The following AVL9 variants were observed in gnomAD, a reference collection of about 807,000 sequenced individuals.
AVL9 encodes the protein late secretory pathway protein AVL9 homolog.
In AVL9, 49 loss-of-function variants were observed where a neutral mutation model predicts 79.2. The observed-to-expected ratio is 0.62, with a 90% CI of 0.49 to 0.79. AVL9 has a LOEUF of 0.79. AVL9 is among the 30% of genes least tolerant of loss of function. The pLI, the probability that AVL9 is intolerant of heterozygous loss-of-function variation, is 0.00. For missense variants in AVL9, 682 were observed against 776.8 expected (o/e 0.88, Z 1.45); for synonymous variants, 299 against 280.6 (o/e 1.07, Z -0.65).
chr7:32,503,369 T>TACACACACACACAC lies in AVL9; in HGVS notation c.93+7568_93+7569insCACACACACACACA, dbSNP rs1237567459. 2.4e-3 allele frequency among the ~76,000 whole-genome samples: 241 copies of TACACACACACACAC among 101,306 alleles called. 2 individuals are homozygous for TACACACACACACAC. Among genetic ancestry groups the TACACACACACACAC allele is most frequent in the Admixed American group, 4.4e-3 (35 of 7,960 alleles). The allele number at this position is 101,306 out of a possible 152,430, so 66.5% of individuals were successfully genotyped here. ...AGATATAGATATAGAGAGATATATA[T>TACACACACACACAC]ATATACACACACACACACACACACA... On this transcript the variant is annotated intron_variant, in intron 1 of 15. Transcript: ENST00000318709.
intron 2 of AVL9, 40 bp from the exon 3 acceptor site, chr7:32,544,654 A>G: frequency 7.5e-7 from 1 of 1,331,386 alleles, no homozygotes; most frequent in African/African-American, 1.4e-5. Context: ...TAATAAGGGT[A>G]ATTCACCTCA....
rs367803456 is a variant in AVL9 at position 32,503,361 on chromosome 7, GATATATAT to G, written c.93+7565_93+7572del. Among the ~76,000 whole-genome samples, 471 of 121,464 alleles carry G rather than the reference GATATATAT, an allele frequency of 3.9e-3. 3 individuals are homozygous for G. The highest frequency in any genetic ancestry group is 0.013 in the African/African-American group (407 of 32,164). The allele number at this position is 121,464 out of a possible 152,430, so 79.7% of individuals were successfully genotyped here. ...ATATATATAGATATAGATATAGAGA[GATATATAT>G]ATATACACACACACACACACACACA... On this transcript the variant is annotated intron_variant, in intron 1 of 15. Transcript: ENST00000318709.
chr7:32,575,431 G>A (rs1026649752), intron 12 of AVL9, among the ~76,000 whole-genome samples: 1 of 151,996 alleles, frequency 6.6e-6, no homozygotes, highest in Admixed American at 6.6e-5. Flanking sequence ...GAAATGCTAG[G>A]AAATTCAAGA....
chr7:32,500,841 C>T (rs923706593), intron 1 of AVL9, among the ~76,000 whole-genome samples: 5 of 152,128 alleles, frequency 3.3e-5, no homozygotes, highest in African/African-American at 7.2e-5. Context: ...CCTGTTTTCC[C>T]AGCACCAGTT....
intron 1 of AVL9, among the ~76,000 whole-genome samples, chr7:32,507,532 G>A (rs1037581101): frequency 1.3e-5 from 2 of 152,038 alleles, no homozygotes; most frequent in African/African-American, 4.8e-5. Context: ...GGCTTCTTTT[G>A]TTCAGCATTA....
intron 1 of AVL9, chr7:32,536,165 A>T (rs759555198): frequency 2.7e-5 from 4 of 149,406 alleles, no homozygotes; most frequent in Admixed American, 6.8e-5. Context: ...TTTTACATAT[A>T]CTTAGGGCTG....
chr7:32,583,882 C>T lies in AVL9; in HGVS notation c.1922C>T (p.Thr641Ile). Residue 641 changes from threonine (T) to isoleucine (I), a missense_variant, in exon 16 of 16, where the codon ACT becomes ATT. Thr to Ile is a moderately conservative substitution (Grantham distance 89, BLOSUM62 -1). Transcript: ENST00000318709. ...ACCACTTCCACCTCCCAAAGTCTCA[C>T]TGAGCCACCAGATGAGAAGCCTTGA... The part of the protein sequence containing the change: ...TFTTSTSQSL[T>I]EPPDEKP 6.2e-7 allele frequency: 1 copy of T among 1,613,988 alleles called. No homozygotes were observed. Among genetic ancestry groups the T allele is most frequent in the Non-Finnish European group, 8.5e-7 (1 of 1,179,850 alleles).
At chr7:32,517,495 G>A (rs968506754) in intron 1 of AVL9, among the ~76,000 whole-genome samples, 3 of 151,820 alleles carry the variant, frequency 2.0e-5, no homozygotes, top group South Asian at 2.1e-4. Context: ...TAGTAGAGAC[G>A]GGGTTTCACC....
chr7:32,572,801 C>CAAAAAAAAAAAA lies in AVL9; in HGVS notation c.1351-393_1351-382dup, dbSNP rs3080635. On this transcript the variant is annotated intron_variant, in intron 11 of 15. Transcript: ENST00000318709. ...TGGGCGACAGAGCAAGACTCCGTCT[C>CAAAAAAAAAAAA]AAAAAAAAAAAAAAAAGAATATTCT... 1.7e-3 allele frequency among the ~76,000 whole-genome samples: 158 copies of CAAAAAAAAAAAA among 93,418 alleles called. 13 individuals are homozygous for CAAAAAAAAAAAA. Among genetic ancestry groups the CAAAAAAAAAAAA allele is most frequent in the African/African-American group, 3.7e-3 (74 of 19,826 alleles). The allele number at this position is 93,418 out of a possible 152,430, so 61.3% of individuals were successfully genotyped here.
chr7:32,570,963 C>G (rs1455766520), intron 11 of AVL9, among the ~76,000 whole-genome samples: 3 of 145,572 alleles, frequency 2.1e-5, no homozygotes, highest in Admixed American at 2.1e-4. Flanking sequence ...GGCGCAGTGG[C>G]TCACGCCTGT....
chr7:32,554,492 G>A (rs1789973529), intron 7 of AVL9, 66 bp from the exon 8 acceptor site: 1 of 997,592 alleles, frequency 1.0e-6, no homozygotes, highest in African/African-American at 1.7e-5. Flanking sequence ...TGTTTTAGGA[G>A]GGGAAAAGAT....
At chr7:32,549,196 C>CAA (rs3079782) in intron 4 of AVL9, among the ~76,000 whole-genome samples, 6 of 142,334 alleles carry the variant, frequency 4.2e-5, no homozygotes, top group Admixed American at 1.4e-4. Flanking sequence ...TGGTTTTGTC[C>CAA]AAAAAAAAAA....
chr7:32,583,741 C>G (rs1466353736), intron 15 of AVL9, 51 bp from the exon 16 acceptor site: 2 of 1,202,536 alleles, frequency 1.7e-6, no homozygotes, highest in African/African-American at 1.5e-5. Context: ...TTCACTGTCT[C>G]GTAACAAAAG....
At chr7:32,512,445 G>A (rs529296349) in intron 1 of AVL9, among the ~76,000 whole-genome samples, 3 of 152,324 alleles carry the variant, frequency 2.0e-5, no homozygotes, top group Admixed American at 6.5e-5. Flanking sequence ...CGAACTACCA[G>A]TAGGCACAAA....
rs574365187 is a variant in AVL9 at position 32,528,777 on chromosome 7, G to A, written c.94-14364G>A. On this transcript the variant is annotated intron_variant, in intron 1 of 15. Coordinates refer to ENST00000318709, the MANE Select transcript of AVL9 (RefSeq NM_015060.3). The stretch of plus-strand genomic sequence containing the variant: ...TGTAATCCCAGCACTTTGGGAGGCT[G>A]AGGCGGGCAGATCACAAGGTCAGGA... Among the ~76,000 whole-genome samples the A allele has an allele frequency of 3.3e-5, 5 of 152,314 alleles. 1 individual carries two copies. The South Asian group carries it at 1.0e-3, about 32-fold the overall frequency.
intron 1 of AVL9, among the ~76,000 whole-genome samples, chr7:32,510,334 C>A (rs1209146613): frequency 6.6e-6 from 1 of 151,930 alleles, no homozygotes; most frequent in Admixed American, 6.6e-5. Context: ...AATGCACAGT[C>A]CTGGCAATTC....
chr7:32,571,924 G>C (rs1210094989), intron 11 of AVL9, among the ~76,000 whole-genome samples: 1 of 152,172 alleles, frequency 6.6e-6, no homozygotes, highest in African/African-American at 2.4e-5. Context: ...AGCACTTTGG[G>C]AGGCCAAGGT....
intron 1 of AVL9, among the ~76,000 whole-genome samples, chr7:32,541,089 G>C (rs911646380): frequency 6.6e-5 from 10 of 151,542 alleles, no homozygotes; most frequent in Non-Finnish European, 1.2e-4. Context: ...TTTTAGTAGA[G>C]ACGGGGTTTC....
chr7:32,514,519 T>A (rs1787825641), intron 1 of AVL9, among the ~76,000 whole-genome samples: 1 of 152,078 alleles, frequency 6.6e-6, no homozygotes, highest in Non-Finnish European at 1.5e-5. Context: ...AACTGAAGAA[T>A]CACAAAAGAA....
Sources: allele counts gnomAD v4.1 joint callset (sites outside exome capture counted in the v4.1 genomes callset), GRCh38; gene constraint gnomAD v4.1.1; transcripts MANE v1.5; gene names NCBI Gene and HGNC (gene_info 2026-07-23, HGNC 2026-07-21).